The following ATXN8OS variants were observed in gnomAD, a reference collection of about 807,000 sequenced individuals.
ATXN8OS encodes ATXN8 opposite strand (non-protein coding).
At chr13:70,108,829 G>A (rs1888149962) in intron 1 of ATXN8OS, among the ~76,000 whole-genome samples, 1 of 152,178 alleles carries the variant, frequency 6.6e-6, no homozygotes, top group South Asian at 2.1e-4. Context: ...TCTGTAGTGA[G>A]ACACAGAAGA....
chr13:70,167,130 T>A (rs1889084967), intron 4 of ATXN8OS, among the ~76,000 whole-genome samples: 1 of 151,906 alleles, frequency 6.6e-6, no homozygotes, highest in Admixed American at 6.6e-5. Flanking sequence ...GATCTAGAAC[T>A]GGAAATACCA....
chr13:70,156,936 CT>C lies in ATXN8OS; in HGVS notation n.573+9511del, dbSNP rs1049493558. Among the ~76,000 whole-genome samples the C allele has an allele frequency of 3.3e-5, 5 of 151,936 alleles. 1 individual carries two copies. The highest frequency in any genetic ancestry group is 7.4e-5 in the Non-Finnish European group (5 of 67,982). ...GCCAACAGCATGATATTGTGATGCCCTTTGTGTATTACATTTTTCTAGTTAC... is the reference window on the plus strand; with the variant it reads ...GCCAACAGCATGATATTGTGATGCCCTTGTGTATTACATTTTTCTAGTTAC... On this transcript the variant is annotated intron_variant and non_coding_transcript_variant, in intron 4 of 4. Transcript: ENST00000678624.
chr13:70,122,602 T>C (rs1888375689), intron 2 of ATXN8OS, among the ~76,000 whole-genome samples: 2 of 152,054 alleles, frequency 1.3e-5, no homozygotes, highest in African/African-American at 4.8e-5. Flanking sequence ...CAAAATGACA[T>C]TTCTTCTAAT....
At chr13:70,154,586 T>A (rs557977834) in intron 4 of ATXN8OS, among the ~76,000 whole-genome samples, 8 of 152,256 alleles carry the variant, frequency 5.3e-5, no homozygotes, top group African/African-American at 1.9e-4. Flanking sequence ...AAATAAGTTG[T>A]CCTGTATTAG....
intron 4 of ATXN8OS, among the ~76,000 whole-genome samples, chr13:70,158,391 C>A (rs548582494): frequency 6.6e-6 from 1 of 152,296 alleles, no homozygotes; most frequent in African/African-American, 2.4e-5. Flanking sequence ...GCACTCCAGC[C>A]TGGGCGACAG....
At chr13:70,156,590 A>G (rs1429105000) in intron 4 of ATXN8OS, among the ~76,000 whole-genome samples, 1 of 152,146 alleles carries the variant, frequency 6.6e-6, no homozygotes. Context: ...TGTATTAATC[A>G]TTCACAACAC....
Position 70,139,383 on chromosome 13 carries a change from A to ACTACTGCTGCTGCTGCTG in ATXN8OS, n.500-7970_500-7969insACTGCTGCTGCTGCTGCT. The ACTACTGCTGCTGCTGCTG allele has an allele frequency of 5.3e-4, 242 of 458,320 alleles. 1 individual carries two copies. The highest frequency in any genetic ancestry group is 3.0e-3 in the African/African-American group (97 of 32,272). The allele number at this position is 458,320 out of a possible 1,614,324, so 28.4% of individuals were successfully genotyped here. On this transcript the variant is annotated intron_variant and non_coding_transcript_variant, in intron 3 of 4. Transcript: ENST00000678624. ...TACTACTACTACTACTACTACTACT[A>ACTACTGCTGCTGCTGCTG]CTGCTGCTGCTGCTGCTGCTGCTGC...
At chr13:70,115,429 A>AAAT in intron 2 of ATXN8OS, 1 of 395,164 alleles carries the variant, frequency 2.5e-6, no homozygotes, top group East Asian at 3.6e-5. Context: ...GAATGTGAAG[A>AAAT]AATAAGTTCA....
At chr13:70,109,051 C>CAAGAATGG (rs1376326972) in intron 1 of ATXN8OS, among the ~76,000 whole-genome samples, 1 of 152,142 alleles carries the variant, frequency 6.6e-6, no homozygotes, top group Non-Finnish European at 1.5e-5. Flanking sequence ...CAGTGTAAAT[C>CAAGAATGG]AAGAATGGAA....
intron 4 of ATXN8OS, among the ~76,000 whole-genome samples, chr13:70,154,503 T>C (rs1039664529): frequency 1.3e-5 from 2 of 152,152 alleles, no homozygotes; most frequent in Non-Finnish European, 2.9e-5. Flanking sequence ...GGTTCTTATA[T>C]GACTGAAGAC....
At chr13:70,165,014 G>A (rs1986762) in intron 4 of ATXN8OS, among the ~76,000 whole-genome samples, 141,112 of 151,986 alleles carry the variant, frequency 0.93, 66,048 homozygotes, top group East Asian at 0.99. Context: ...CTGATAAAAA[G>A]TATTTCCCAT....
At chr13:70,116,982 G>A (rs1190335865) in intron 2 of ATXN8OS, among the ~76,000 whole-genome samples, 1 of 152,002 alleles carries the variant, frequency 6.6e-6, no homozygotes, top group African/African-American at 2.4e-5. Context: ...GATGCAGAAT[G>A]CTCACATAAA....
chr13:70,125,972 G>A (rs1888427764), intron 2 of ATXN8OS, among the ~76,000 whole-genome samples: 1 of 152,140 alleles, frequency 6.6e-6, no homozygotes, highest in East Asian at 1.9e-4. Flanking sequence ...GACAAGCGGT[G>A]TGATGCAAAG....
At chr13:70,146,672 C>A (rs959365307) in intron 3 of ATXN8OS, among the ~76,000 whole-genome samples, 5 of 150,530 alleles carry the variant, frequency 3.3e-5, no homozygotes, top group Admixed American at 6.7e-5. Flanking sequence ...GGACAAAAAA[C>A]CAAACACTGC....
intron 3 of ATXN8OS, among the ~76,000 whole-genome samples, chr13:70,144,543 T>C (rs908204537): frequency 2.0e-5 from 3 of 152,162 alleles, no homozygotes; most frequent in Non-Finnish European, 4.4e-5. Context: ...TGTATGCAAA[T>C]GGGATACTTC....
intron 4 of ATXN8OS, among the ~76,000 whole-genome samples, chr13:70,164,105 AAAACCTG>A: frequency 6.8e-6 from 1 of 147,886 alleles, no homozygotes; most frequent in South Asian, 2.1e-4. Flanking sequence ...TCCTGTTTCC[AAAACCTG>A]GGAACAGGAT....
chr13:70,158,807 G>A (rs606890), intron 4 of ATXN8OS, among the ~76,000 whole-genome samples: 133,747 of 152,134 alleles, frequency 0.88, 59,258 homozygotes, highest in Middle Eastern at 0.96. Flanking sequence ...TGCCCTGACC[G>A]TTTAAAAACA....
chr13:70,142,205 T>C (rs1888727559), intron 3 of ATXN8OS, among the ~76,000 whole-genome samples: 1 of 152,140 alleles, frequency 6.6e-6, no homozygotes, highest in Admixed American at 6.5e-5. Context: ...ATGTACAGAA[T>C]ATGGGTATTT....
At chr13:70,138,287 A>G (rs1482291049) in intron 3 of ATXN8OS, among the ~76,000 whole-genome samples, 1 of 150,868 alleles carries the variant, frequency 6.6e-6, no homozygotes, top group Non-Finnish European at 1.5e-5. Flanking sequence ...TTCAGGCTGG[A>G]TAGCTCTGAT....
Sources: allele counts gnomAD v4.1 joint callset (sites outside exome capture counted in the v4.1 genomes callset), GRCh38; gene constraint gnomAD v4.1.1; transcripts MANE v1.5; gene names NCBI Gene and HGNC (gene_info 2026-07-23, HGNC 2026-07-21).